The following PEAK1 variants were observed in gnomAD, a reference collection of about 807,000 sequenced individuals.
PEAK1 encodes the protein pseudopodium enriched atypical kinase 1.
Under a neutral mutation model 124.7 loss-of-function variants are expected in PEAK1, and 54 were observed. That is an observed-to-expected ratio of 0.43 (90% CI 0.35 to 0.54). PEAK1 has a LOEUF of 0.54. PEAK1 is among the 20% of genes least tolerant of loss of function. The pLI, the probability that PEAK1 is intolerant of heterozygous loss-of-function variation, is 0.01. For missense variants in PEAK1, 2,046 were observed against 2,134.5 expected, an observed-to-expected ratio of 0.96 and a Z score of 0.82; for synonymous variants, 719 against 760.0, an observed-to-expected ratio of 0.95 and a Z score of 0.89.
intron 2 of PEAK1, chr15:77,331,023 T>G (rs1470127813): frequency 1.1e-6 from 1 of 903,430 alleles, no homozygotes; most frequent in African/African-American, 1.8e-5. Flanking sequence ...ACACTCAACT[T>G]TTGTCATTTA....
chr15:77,258,702 T>C (rs1372885683), intron 5 of PEAK1, among the ~76,000 whole-genome samples: 7 of 152,302 alleles, frequency 4.6e-5, no homozygotes, highest in South Asian at 2.1e-4. Flanking sequence ...CTTTTCCTAA[T>C]TGAATACCCT....
intron 2 of PEAK1, among the ~76,000 whole-genome samples, chr15:77,318,688 T>C (rs1193119014): frequency 1.3e-5 from 2 of 151,836 alleles, no homozygotes; most frequent in Non-Finnish European, 2.9e-5. Context: ...TAAAATATAA[T>C]TTATAATTTA....
chr15:77,227,078 C>A (rs1467415151), intron 6 of PEAK1, among the ~76,000 whole-genome samples: 1 of 152,180 alleles, frequency 6.6e-6, no homozygotes, highest in Non-Finnish European at 1.5e-5. Flanking sequence ...CCCATAGATC[C>A]TAAGCCAGCA....
At chr15:77,208,237 C>T (rs1298680840) in intron 6 of PEAK1, among the ~76,000 whole-genome samples, 1 of 152,148 alleles carries the variant, frequency 6.6e-6, no homozygotes, top group Non-Finnish European at 1.5e-5. Flanking sequence ...AATAAAATGG[C>T]GGATTGAAGA....
intron 6 of PEAK1, among the ~76,000 whole-genome samples, chr15:77,248,630 C>T (rs1027563314): frequency 6.6e-5 from 10 of 152,142 alleles, no homozygotes; most frequent in Admixed American, 5.9e-4. Context: ...GATGCACTCA[C>T]CAGATACTAA....
intron 1 of PEAK1, chr15:77,419,246 G>T: frequency 1.0e-6 from 1 of 985,322 alleles, no homozygotes; most frequent in Non-Finnish European, 1.2e-6. Context: ...AATCTTTAAC[G>T]TAGCCAAAGG....
intron 2 of PEAK1, among the ~76,000 whole-genome samples, chr15:77,360,944 G>A (rs1316784462): frequency 6.6e-6 from 1 of 152,096 alleles, no homozygotes; most frequent in African/African-American, 2.4e-5. Flanking sequence ...AGGGGAAAAT[G>A]CTCCAGGACA....
intron 1 of PEAK1, among the ~76,000 whole-genome samples, chr15:77,388,613 T>G (rs2070165960): frequency 6.6e-6 from 1 of 152,212 alleles, no homozygotes; most frequent in African/African-American, 2.4e-5. Context: ...ATTTGCCTTC[T>G]CTGAACCATA....
rs2064405494 is a variant in PEAK1, at chr15:77,311,022, A to G, written c.-602-24518T>C. ...GAGAACATTTTTTAAACACAGGGCC[A>G]TAATGATCAGATCTGTAGTTTGAAA... On this transcript the variant is annotated intron_variant, in intron 2 of 9. Transcript: ENST00000682557. Among the ~76,000 whole-genome samples, 5 of 152,260 alleles carry G rather than the reference A, an allele frequency of 3.3e-5. No homozygotes were observed. In the South Asian group the frequency reaches 1.0e-3, roughly 32 times the overall value.
At chr15:77,310,374 T>C (rs779041226) in intron 2 of PEAK1, among the ~76,000 whole-genome samples, 2 of 152,178 alleles carry the variant, frequency 1.3e-5, no homozygotes, top group African/African-American at 2.4e-5. Flanking sequence ...CTTAGAACTT[T>C]TCTGAACAAA....
chr15:77,305,005 G>A (rs1393035673), intron 2 of PEAK1, among the ~76,000 whole-genome samples: 1 of 151,722 alleles, frequency 6.6e-6, no homozygotes, highest in Non-Finnish European at 1.5e-5. Flanking sequence ...AAATTAGTCA[G>A]GCATCTTTGT....
In PEAK1 at chr15:77,179,459, G is replaced by A. The variant is rs767897636; in HGVS notation, c.2468C>T (p.Ser823Phe). 1 of 1,614,148 alleles carries A rather than the reference G, an allele frequency of 6.2e-7. No individual in the cohort carries two copies. Among genetic ancestry groups the A allele is most frequent in the Non-Finnish European group, 8.5e-7 (1 of 1,180,004 alleles). ...TPVRPKSLFT[S>F]QPSGEAEAPQ... Reference sequence around the variant, plus strand: ...TGCTTCAGCCTCACCACTAGGCTGAGATGTAAAGAGAGATTTGGGCCGGAC... The same window carrying A: ...TGCTTCAGCCTCACCACTAGGCTGAAATGTAAAGAGAGATTTGGGCCGGAC... The change falls in exon 7 of 10, where the codon TCT (serine) becomes TTT (phenylalanine). Residue 823 changes from serine to phenylalanine, a missense_variant. Ser to Phe is a radical substitution (Grantham distance 155). Transcript: ENST00000682557.
intron 5 of PEAK1, among the ~76,000 whole-genome samples, chr15:77,265,423 A>G (rs1359211065): frequency 6.6e-6 from 1 of 152,090 alleles, no homozygotes; most frequent in Admixed American, 6.6e-5. Context: ...AAAACAAACA[A>G]CCCCATCAAA....
chr15:77,118,606 A>C (rs542313573), intron 9 of PEAK1, among the ~76,000 whole-genome samples: 1 of 152,262 alleles, frequency 6.6e-6, no homozygotes, highest in South Asian at 2.1e-4. Context: ...GGCTCTCATT[A>C]TCTTTCTTGA....
At chr15:77,207,844 T>C (rs959332346) in intron 6 of PEAK1, among the ~76,000 whole-genome samples, 1 of 152,202 alleles carries the variant, frequency 6.6e-6, no homozygotes, top group Non-Finnish European at 1.5e-5. Context: ...GGACTTCGGT[T>C]GATAAAGGGG....
At chr15:77,306,630 A>G (rs2064120498) in intron 2 of PEAK1, among the ~76,000 whole-genome samples, 1 of 152,018 alleles carries the variant, frequency 6.6e-6, no homozygotes, top group Non-Finnish European at 1.5e-5. Context: ...TGTCTTTGGC[A>G]TTTTCTTTTG....
At chr15:77,380,894 T>C (rs1324746228) in intron 1 of PEAK1, among the ~76,000 whole-genome samples, 1 of 152,168 alleles carries the variant, frequency 6.6e-6, no homozygotes, top group East Asian at 1.9e-4. Flanking sequence ...CCCAAAACTA[T>C]CTACATTTAA....
At chr15:77,167,909 C>A (rs1381150335) in intron 7 of PEAK1, among the ~76,000 whole-genome samples, 6 of 152,036 alleles carry the variant, frequency 3.9e-5, no homozygotes, top group African/African-American at 1.4e-4. Context: ...CACGACAGGC[C>A]CCGGTGTGTG....
chr15:77,336,421 G>A (rs1025361538), intron 2 of PEAK1: 2 of 985,208 alleles, frequency 2.0e-6, no homozygotes, highest in African/African-American at 1.7e-5. Context: ...TCTGAGTGAG[G>A]GGTTAATGGT....
Sources: gnomAD v4.1 joint callset for allele counts (sites outside exome capture counted in the v4.1 genomes callset) on GRCh38, gnomAD v4.1.1 for gene constraint, MANE v1.5 for transcripts, NCBI Gene and HGNC (gene_info 2026-07-23, HGNC 2026-07-21) for gene names.